The following UGCG variants were observed in gnomAD, a reference collection of about 807,000 sequenced individuals.
The protein encoded by UGCG is UDP-glucose ceramide glucosyltransferase, also known as ceramide glucosyltransferase.
In UGCG, 10 loss-of-function variants were observed where a neutral mutation model predicts 49.5. The observed-to-expected ratio is 0.20, with a 90% CI of 0.12 to 0.34. UGCG has a LOEUF of 0.34. Ranked by LOEUF, UGCG falls within the 10% of genes least tolerant of loss-of-function variation. The pLI is 1.00. For synonymous variants in UGCG, 182 were observed against 158.2 expected, an observed-to-expected ratio of 1.15 and a Z score of -1.13; for missense variants, 312 against 483.7, an observed-to-expected ratio of 0.65 and a Z score of 3.33.
intron 1 of UGCG, among the ~76,000 whole-genome samples, chr9:111,898,901 A>G (rs376980460): frequency 1.3e-5 from 2 of 152,192 alleles, no homozygotes; most frequent in African/African-American, 4.8e-5. Flanking sequence ...TGTTTAATAA[A>G]TGTTTATTGA....
At chr9:111,913,077 A>G (rs757943742) in intron 1 of UGCG, among the ~76,000 whole-genome samples, 51 of 152,274 alleles carry the variant, frequency 3.3e-4, no homozygotes, top group Non-Finnish European at 1.2e-4. Context: ...TTATCAAATC[A>G]AGATGCATTG....
intron 1 of UGCG, among the ~76,000 whole-genome samples, chr9:111,899,978 G>A (rs752343885): frequency 6.6e-6 from 1 of 152,118 alleles, no homozygotes. Context: ...GCAGATGTTT[G>A]TAGGATTTCT....
At chr9:111,904,500 T>G (rs1205805939) in intron 1 of UGCG, among the ~76,000 whole-genome samples, 6 of 152,224 alleles carry the variant, frequency 3.9e-5, no homozygotes, top group African/African-American at 1.4e-4. Context: ...TAGTTTTTTC[T>G]TTTTCTCTCT....
At position 111,933,037 on chromosome 9, in the gene UGCG, T is replaced by C; in HGVS notation, c.*40T>C. On this transcript the variant is annotated 3_prime_UTR_variant, in exon 9 of 9. Coordinates refer to ENST00000374279, the MANE Select transcript of UGCG (RefSeq NM_003358.3). The stretch of plus-strand genomic sequence containing the variant: ...CTGTATATAAAGGAAAAAAGAGAAG[T>C]ATTATAAATTATGTTTATATAAATG... The C allele has an allele frequency of 7.2e-7, 1 of 1,391,566 alleles. No individual in the cohort carries two copies. Among genetic ancestry groups the C allele is most frequent in the African/African-American group, 1.5e-5 (1 of 66,874 alleles). 86.2% of individuals were successfully genotyped at this position (1,391,566 alleles called of 1,614,324 possible). A position where few individuals can be genotyped will look rare whatever the true frequency, so the allele number is the denominator to read the frequency against.
chr9:111,914,575 G>T (rs1473677209), intron 1 of UGCG, 30 bp from the exon 2 acceptor site: 8 of 1,607,982 alleles, frequency 5.0e-6, no homozygotes, highest in Non-Finnish European at 6.8e-6. Flanking sequence ...GTATTCTATA[G>T]AAATAATTTT....
chr9:111,916,211 TTAA>T (rs1175490500), intron 2 of UGCG, among the ~76,000 whole-genome samples: 1 of 152,206 alleles, frequency 6.6e-6, no homozygotes, highest in Admixed American at 6.5e-5. Context: ...CAAAGGAGAA[TTAA>T]TGTTTACGAA....
chr9:111,898,313 A>G (rs537449219), intron 1 of UGCG, among the ~76,000 whole-genome samples: 2 of 152,194 alleles, frequency 1.3e-5, no homozygotes, highest in African/African-American at 2.4e-5. Flanking sequence ...GCAATTGTAT[A>G]TAGTAATCGT....
At chr9:111,917,130 G>A in intron 2 of UGCG, among the ~76,000 whole-genome samples, 1 of 152,172 alleles carries the variant, frequency 6.6e-6, no homozygotes, top group East Asian at 1.9e-4. Flanking sequence ...AAGCTATTTT[G>A]ACATTCATTG....
Position 111,897,064 on chromosome 9 carries a change from C to CA in UGCG, c.-152_-151insA. On this transcript the variant is annotated 5_prime_UTR_variant, in exon 1 of 9. Coordinates refer to ENST00000374279, the MANE Select transcript of UGCG (RefSeq NM_003358.3). The stretch of plus-strand genomic sequence containing the variant: ...GGGGGCGCGCAGGCCCTGCCCGCCC[C>CA]TTCCGTCCCCACCCCCCTCCGCCCT... The CA allele has an allele frequency of 2.4e-6, 1 of 422,338 alleles. No homozygotes were observed. Among genetic ancestry groups the CA allele is most frequent in the Non-Finnish European group, 4.1e-6 (1 of 242,014 alleles). The allele number at this position is 422,338 out of a possible 1,614,324, so 26.2% of individuals were successfully genotyped here.
chr9:111,902,735 C>T (rs527324259), intron 1 of UGCG, among the ~76,000 whole-genome samples: 25 of 151,884 alleles, frequency 1.6e-4, no homozygotes, highest in Non-Finnish European at 3.4e-4. Context: ...AACTTTTGCC[C>T]TTGTGGAATT....
At chr9:111,900,513 T>G (rs12686148) in intron 1 of UGCG, among the ~76,000 whole-genome samples, 24,763 of 152,030 alleles carry the variant, frequency 0.16, 2,512 homozygotes, top group African/African-American at 0.29. Flanking sequence ...CTTTCTTTGA[T>G]ACAGGGTCTT....
chr9:111,931,896 G>A (rs1838432359), intron 7 of UGCG, among the ~76,000 whole-genome samples: 1 of 152,004 alleles, frequency 6.6e-6, no homozygotes, highest in Non-Finnish European at 1.5e-5. Flanking sequence ...GTGTGGTGGC[G>A]TGTACACCTG....
At chr9:111,923,451 G>A (rs1838262248) in intron 3 of UGCG, among the ~76,000 whole-genome samples, 1 of 151,768 alleles carries the variant, frequency 6.6e-6, no homozygotes, top group South Asian at 2.1e-4. Context: ...GCTATTTGAA[G>A]ATCGGGCAAT....
chr9:111,922,653 C>T (rs1216657845), intron 2 of UGCG, among the ~76,000 whole-genome samples, 196 bp from the exon 3 acceptor site: 1 of 152,086 alleles, frequency 6.6e-6, no homozygotes, highest in African/African-American at 2.4e-5. Context: ...TGCAGATAGG[C>T]TCCTAATTAG....
chr9:111,915,804 C>T, intron 2 of UGCG: 2 of 985,084 alleles, frequency 2.0e-6, no homozygotes, highest in Non-Finnish European at 2.4e-6. Context: ...AGAGAAGACA[C>T]AGATGTGATA....
At chr9:111,901,898 C>G (rs1307749273) in intron 1 of UGCG, among the ~76,000 whole-genome samples, 1 of 152,148 alleles carries the variant, frequency 6.6e-6, no homozygotes, top group Non-Finnish European at 1.5e-5. Flanking sequence ...TTATTGTAGC[C>G]TTTATCCTTC....
chr9:111,931,386 C>CCTTTCT (rs747560789), intron 7 of UGCG, 29 bp downstream of exon 7: 23 of 1,596,682 alleles, frequency 1.4e-5, no homozygotes, highest in Non-Finnish European at 1.9e-5. Context: ...TTTTATACTT[C>CCTTTCT]GTTAAAAGGA....
intron 5 of UGCG, among the ~76,000 whole-genome samples, chr9:111,927,687 G>A (rs1023884609): frequency 5.9e-5 from 9 of 151,944 alleles, no homozygotes; most frequent in Admixed American, 3.9e-4. Flanking sequence ...TCCTGACCTC[G>A]TGATCCACCC....
chr9:111,926,068 ACAGATTGTCCTTATTCC>A (rs1838307561), intron 4 of UGCG, among the ~76,000 whole-genome samples: 1 of 152,192 alleles, frequency 6.6e-6, no homozygotes, highest in East Asian at 1.9e-4. Flanking sequence ...TTCCACTAGG[ACAGATTGTCCTTATTCC>A]AAATTAGAAG....
Sources: allele counts gnomAD v4.1 joint callset (sites outside exome capture counted in the v4.1 genomes callset), GRCh38; gene constraint gnomAD v4.1.1; transcripts MANE v1.5; gene names NCBI Gene and HGNC (gene_info 2026-07-23, HGNC 2026-07-21).